The following GABRB1 variants were observed in gnomAD, a reference collection of about 807,000 sequenced individuals.
The protein encoded by GABRB1 is gamma-aminobutyric acid type A receptor subunit beta1, also known as gamma-aminobutyric acid receptor subunit beta-1.
A neutral mutation model predicts 51.6 loss-of-function variants in GABRB1; 17 were observed. The observed-to-expected ratio is 0.33, with a 90% CI of 0.23 to 0.49. GABRB1 has a LOEUF of 0.49. Ranked by LOEUF, GABRB1 falls within the 20% of genes least tolerant of loss-of-function variation. The probability of loss-of-function intolerance (pLI) is 0.99; values close to 1 mark genes in which losing one functional copy is unlikely to be tolerated. For synonymous variants in GABRB1, 247 were observed against 218.9 expected (o/e 1.13, Z -1.14); for missense variants, 410 against 600.6 (o/e 0.68, Z 3.32).
chr4:47,271,157 T>G (rs73247691), intron 4 of GABRB1, among the ~76,000 whole-genome samples: 4,240 of 152,252 alleles, frequency 0.028, 107 homozygotes, highest in Non-Finnish European at 0.038. Flanking sequence ...AAAAGTGCAT[T>G]TATTATCTCA....
intron 4 of GABRB1, among the ~76,000 whole-genome samples, chr4:47,208,024 G>A (rs953765899): frequency 2.0e-5 from 3 of 151,930 alleles, no homozygotes; most frequent in African/African-American, 7.2e-5. Flanking sequence ...TGATTTTTCT[G>A]ACTATACATC....
At chr4:47,314,236 G>A (rs1408369372) in intron 4 of GABRB1, among the ~76,000 whole-genome samples, 1 of 151,906 alleles carries the variant, frequency 6.6e-6, no homozygotes, top group Admixed American at 6.6e-5. Flanking sequence ...ATTGATTGTT[G>A]AATAGATTGG....
At chr4:47,259,986 C>T (rs1345373351) in intron 4 of GABRB1, among the ~76,000 whole-genome samples, 2 of 85,308 alleles carry the variant, frequency 2.3e-5, no homozygotes, top group Non-Finnish European at 4.5e-5. Context: ...TCACTAAGGA[C>T]TTGCTTTATG....
At chr4:47,228,139 T>C (rs1007958403) in intron 4 of GABRB1, among the ~76,000 whole-genome samples, 1 of 152,162 alleles carries the variant, frequency 6.6e-6, no homozygotes, top group Non-Finnish European at 1.5e-5. Context: ...GCAAATTACA[T>C]CAACCTCCAT....
chr4:47,077,725 G>A (rs1349709244), intron 3 of GABRB1, among the ~76,000 whole-genome samples: 1 of 150,052 alleles, frequency 6.7e-6, no homozygotes, highest in Non-Finnish European at 1.5e-5. Flanking sequence ...CACTTTTCCT[G>A]TTTGCTAAAA....
chr4:47,282,025 G>T (rs990284592), intron 4 of GABRB1, among the ~76,000 whole-genome samples: 4 of 151,854 alleles, frequency 2.6e-5, no homozygotes, highest in African/African-American at 4.8e-5. Context: ...ATGTGCTATT[G>T]CTAGAATATT....
intron 5 of GABRB1, among the ~76,000 whole-genome samples, chr4:47,321,879 T>G (rs891068660): frequency 2.0e-5 from 3 of 152,182 alleles, no homozygotes; most frequent in African/African-American, 7.2e-5. Context: ...AGCAGTGAAT[T>G]TTGACAAATA....
chr4:46,994,184 G>C (rs935482084), intron 1 of GABRB1: 1 of 152,166 alleles, frequency 6.6e-6, no homozygotes, highest in Non-Finnish European at 1.5e-5. Flanking sequence ...AAGTGGACTC[G>C]AGCCGCACTC....
intron 5 of GABRB1, among the ~76,000 whole-genome samples, chr4:47,398,323 T>A (rs1054521312): frequency 6.6e-6 from 1 of 152,234 alleles, no homozygotes; most frequent in Non-Finnish European, 1.5e-5. Context: ...ACTTTGCAAA[T>A]CCTGATAGTT....
At chr4:46,998,004 G>A (rs893349467) in intron 1 of GABRB1, among the ~76,000 whole-genome samples, 1 of 152,052 alleles carries the variant, frequency 6.6e-6, no homozygotes, top group African/African-American at 2.4e-5. Context: ...CCTCCATATC[G>A]TTTCCACAAT....
intron 3 of GABRB1, among the ~76,000 whole-genome samples, chr4:47,083,078 A>G (rs1370818058): frequency 6.6e-6 from 1 of 152,182 alleles, no homozygotes; most frequent in East Asian, 1.9e-4. Context: ...GTTTTTACAA[A>G]GGAAAAGAAG....
At chr4:47,046,836 TTTCAAG>T (rs923765298) in intron 3 of GABRB1, among the ~76,000 whole-genome samples, 3 of 152,134 alleles carry the variant, frequency 2.0e-5, no homozygotes, top group Admixed American at 6.6e-5. Context: ...GATCATGTCC[TTTCAAG>T]GATATGGATT....
In GABRB1 at chr4:47,341,695, T is replaced by A. The variant is rs570706312; in HGVS notation, c.544+21486T>A. ...TTCTAATCATTTTTTTTCGCACTTG[T>A]AATTGTTTTTCTGGCTTAAATTCTG... On this transcript the variant is annotated intron_variant, in intron 5 of 8. Transcript: ENST00000295454. Among the ~76,000 whole-genome samples the A allele has an allele frequency of 3.9e-5, 6 of 152,196 alleles. No homozygotes were observed. In the South Asian group the frequency reaches 6.2e-4, roughly 16 times the overall value.
chr4:47,017,531 A>G (rs943179711), intron 1 of GABRB1, among the ~76,000 whole-genome samples: 2 of 152,220 alleles, frequency 1.3e-5, no homozygotes, highest in African/African-American at 4.8e-5. Context: ...ATCCAAATAA[A>G]GAAATAAGAA....
At chr4:47,013,564 G>T (rs892622459) in intron 1 of GABRB1, among the ~76,000 whole-genome samples, 1 of 152,194 alleles carries the variant, frequency 6.6e-6, no homozygotes, top group East Asian at 1.9e-4. Flanking sequence ...TGCTAAAAAT[G>T]CTGTTTCATC....
chr4:47,214,468 G>A (rs1720478492), intron 4 of GABRB1, among the ~76,000 whole-genome samples: 1 of 152,140 alleles, frequency 6.6e-6, no homozygotes, highest in South Asian at 2.1e-4. Context: ...ATAGGCATGG[G>A]TATTGAGTGG....
intron 1 of GABRB1, among the ~76,000 whole-genome samples, chr4:47,019,629 T>TCTTTCTTTCTTTC: frequency 3.4e-5 from 1 of 29,454 alleles, no homozygotes; most frequent in South Asian, 1.2e-3. Flanking sequence ...TTCTCTCTCT[T>TCTTTCTTTCTTTC]TCTTTCTTTC....
At position 47,071,664 on chromosome 4, in the gene GABRB1, G is replaced by A. The variant is rs371803583; in HGVS notation, c.240+39180G>A. On this transcript the variant is annotated intron_variant, in intron 3 of 8. Transcript: ENST00000295454. ...TTTTTTTTCTTTTTTTTTTTTTTCC[G>A]TCTCTCCTCAATAGGAAATACTAGC... 6.0e-4 allele frequency among the ~76,000 whole-genome samples: 67 copies of A among 111,808 alleles called. No individual in the cohort carries two copies. In the East Asian group the frequency reaches 0.013, roughly 22 times the overall value. The allele number at this position is 111,808 out of a possible 152,430, so 73.4% of individuals were successfully genotyped here.
intron 1 of GABRB1, 41 bp downstream of exon 1, chr4:47,031,772 C>G (rs763791394): frequency 6.4e-7 from 1 of 1,556,438 alleles, no homozygotes; most frequent in Non-Finnish European, 8.9e-7. Flanking sequence ...CTCTCTCTCT[C>G]TCTTTTTTTC....
Sources: gnomAD v4.1 joint callset for allele counts (sites outside exome capture counted in the v4.1 genomes callset) on GRCh38, gnomAD v4.1.1 for gene constraint, MANE v1.5 for transcripts, NCBI Gene and HGNC (gene_info 2026-07-23, HGNC 2026-07-21) for gene names.